The following CTRC variants were observed in gnomAD, a reference collection of about 807,000 sequenced individuals.
CTRC encodes the protein chymotrypsin C, also known as chymotrypsin-C.
Under a neutral mutation model 35.7 loss-of-function variants are expected in CTRC, and 32 were observed. The observed-to-expected ratio is 0.90, with a 90% CI of 0.68 to 1.20. The LOEUF (loss-of-function observed/expected upper bound fraction) is 1.20, where lower values mean the gene tolerates loss of function less well. Ranked by LOEUF, CTRC falls within the 50% of genes most tolerant of loss-of-function variation. The probability of loss-of-function intolerance (pLI) is 0.00; values close to 1 mark genes in which losing one functional copy is unlikely to be tolerated. For missense variants in CTRC, 324 were observed against 361.5 expected (o/e 0.90, Z 0.84); for synonymous variants, 119 against 149.5 (o/e 0.80, Z 1.49).
intron 1 of CTRC, 66 bp from the exon 2 acceptor site, chr1:15,440,234 T>TTCCCCCTGGCCC: frequency 3.2e-6 from 1 of 309,300 alleles, no homozygotes; most frequent in Non-Finnish European, 6.7e-6. Context: ...CTGCCCACCC[T>TTCCCCCTGGCCC]CCCACCCCTT....
In CTRC at chr1:15,446,605, G is replaced by A. The variant is rs769997070; in HGVS notation, c.*16G>A. The A allele has an allele frequency of 4.4e-5, 71 of 1,614,002 alleles. No homozygotes were observed. Among genetic ancestry groups the A allele is most frequent in the Admixed American group, 1.5e-4 (9 of 60,002 alleles). On this transcript the variant is annotated 3_prime_UTR_variant, in exon 8 of 8. Transcript: ENST00000375949. ...GCAGCTGTGATTTGTTGCTGGGAGC[G>A]GCGGCAGCGAGTCCCTGCAACAGCA...
intron 6 of CTRC, 63 bp downstream of exon 6, chr1:15,444,814 G>T: frequency 1.2e-6 from 2 of 1,604,472 alleles, no homozygotes. Flanking sequence ...TGGGCAAAGG[G>T]GGGTGCGATG....
intron 2 of CTRC, 39 bp downstream of exon 2, chr1:15,440,430 G>A (rs1012984310): frequency 1.9e-6 from 3 of 1,612,102 alleles, no homozygotes; most frequent in African/African-American, 1.3e-5. Flanking sequence ...GATAGAGAGG[G>A]TGGCGGGGTG....
In CTRC at chr1:15,449,239, G is replaced by C. The variant is rs1708260525; in HGVS notation, c.*2650G>C. The C allele has an allele frequency of 1.3e-5, 2 of 152,220 alleles. No individual in the cohort carries two copies. The allele number at this position is 152,220 out of a possible 1,614,324, so 9.4% of individuals were successfully genotyped here. ...AAAATAAATAAATAAAAACTTCCCT[G>C]ATGAGAAAGATCTGACATAGCTGGT... On this transcript the variant is annotated 3_prime_UTR_variant, in exon 8 of 8. Coordinates refer to ENST00000375949, the MANE Select transcript of CTRC (RefSeq NM_007272.3).
chr1:15,448,323 C>T lies in CTRC; in HGVS notation c.*1734C>T, dbSNP rs1002394688. On this transcript the variant is annotated 3_prime_UTR_variant, in exon 8 of 8. Coordinates refer to ENST00000375949, the MANE Select transcript of CTRC (RefSeq NM_007272.3). ...AAGTAGCTGGGATTACAGGCACGCA[C>T]CACCATGCACAGCTAATTTTTTTTT... 1.3e-5 allele frequency: 2 copies of T among 151,732 alleles called. No homozygotes were observed. Among genetic ancestry groups the T allele is most frequent in the Non-Finnish European group, 2.9e-5 (2 of 67,972 alleles). The allele number at this position is 151,732 out of a possible 1,614,324, so 9.4% of individuals were successfully genotyped here.
At chr1:15,445,466 G>T in intron 6 of CTRC, 131 bp from the exon 7 acceptor site, 1 of 917,208 alleles carries the variant, frequency 1.1e-6, no homozygotes, top group Non-Finnish European at 1.7e-6. Context: ...CCATGGGCAG[G>T]CTGAGGCCAA....
Position 15,439,722 on chromosome 1 carries a change from A to G in CTRC, c.41-578A>G, listed in dbSNP as rs115763533. ...ACAGGTGTACCGGGCACTCGCACAC[A>G]TGCCAGCCAGTTTTGTTTTGTTTTG... On this transcript the variant is annotated intron_variant, in intron 1 of 7. Coordinates refer to ENST00000375949, the MANE Select transcript of CTRC (RefSeq NM_007272.3). Among the ~76,000 whole-genome samples, 1,190 of 152,286 alleles carry G rather than the reference A, an allele frequency of 7.8e-3. 13 individuals carry two copies. The highest frequency in any genetic ancestry group is 0.027 in the African/African-American group (1,122 of 41,562).
rs746688766 is a variant in CTRC, at chr1:15,448,339, AT to A, written c.*1768del. ...AGGCACGCACCACCATGCACAGCTAATTTTTTTTTTTTTTTTTTAGACAGAG... is the reference window on the plus strand; with the variant it reads ...AGGCACGCACCACCATGCACAGCTAATTTTTTTTTTTTTTTTTAGACAGAG... On this transcript the variant is annotated 3_prime_UTR_variant, in exon 8 of 8. Coordinates refer to ENST00000375949, the MANE Select transcript of CTRC (RefSeq NM_007272.3). 517 of 133,132 alleles carry A rather than the reference AT, an allele frequency of 3.9e-3. 1 individual carries two copies. Among genetic ancestry groups the A allele is most frequent in the African/African-American group, 5.4e-3 (196 of 36,078 alleles). 8.2% of individuals were successfully genotyped at this position (133,132 alleles called of 1,614,324 possible).
In CTRC at chr1:15,440,411, G is replaced by A. The variant is rs1300766611; in HGVS notation, c.132+20G>A. ...TGGCAGGTAAGCCTGTGTAGGGCTG[G>A]GAGGTACAGATAGAGAGGGTGGCGG... On this transcript the variant is annotated intron_variant, in intron 2 of 7. Coordinates refer to ENST00000375949, the MANE Select transcript of CTRC (RefSeq NM_007272.3). 1.9e-6 allele frequency: 3 copies of A among 1,612,510 alleles called. No homozygotes were observed. The highest frequency in any genetic ancestry group is 2.5e-6 in the Non-Finnish European group (3 of 1,179,318).
intron 3 of CTRC, among the ~76,000 whole-genome samples, chr1:15,441,801 G>C (rs1395021618): frequency 6.6e-6 from 1 of 151,448 alleles, no homozygotes; most frequent in African/African-American, 2.4e-5. Context: ...AGCCTCCCGA[G>C]TAGCTGGGTC....
chr1:15,438,620 C>T, intron 1 of CTRC, 116 bp downstream of exon 1: 1 of 1,187,566 alleles, frequency 8.4e-7, no homozygotes, highest in Non-Finnish European at 1.2e-6. Flanking sequence ...ACTTTGGGGT[C>T]CCCTGTGGGT....
chr1:15,443,477 G>A lies in CTRC; in HGVS notation c.415G>A (p.Val139Met). 6.2e-7 allele frequency: 1 copy of A among 1,614,210 alleles called. No individual in the cohort carries two copies. Among genetic ancestry groups the A allele is most frequent in the Non-Finnish European group, 8.5e-7 (1 of 1,180,038 alleles). Residue 139 changes from valine (V) to methionine (M), a missense_variant, in exon 5 of 8, where the codon GTG (valine) becomes ATG (methionine). Physicochemically the swap from Val to Met is conservative, Grantham distance 21. Transcript: ENST00000375949. ...EHVELSDTIQVACLPEKDSLL... is the reference protein window; with the variant it reads ...EHVELSDTIQMACLPEKDSLL... ...TGTGGAGCTGAGTGACACCATCCAG[G>A]TGGCCTGCCTGCCAGAGAAGGACTC...
Position 15,446,892 on chromosome 1 carries a change from G to T in CTRC, c.*303G>T. On this transcript the variant is annotated 3_prime_UTR_variant, in exon 8 of 8. Coordinates refer to ENST00000375949, the MANE Select transcript of CTRC (RefSeq NM_007272.3). ...GTCCTGCGTGAAGCCGGAGGGGATGGGAGTGAAGGACGCATCAGACACCTT... is the reference window on the plus strand; with the variant it reads ...GTCCTGCGTGAAGCCGGAGGGGATGTGAGTGAAGGACGCATCAGACACCTT... 1.9e-6 allele frequency: 1 copy of T among 528,210 alleles called. No homozygotes were observed. Among genetic ancestry groups the T allele is most frequent in the Non-Finnish European group, 3.4e-6 (1 of 292,080 alleles). 32.7% of individuals were successfully genotyped at this position (528,210 alleles called of 1,614,324 possible).
chr1:15,445,515 C>T lies in CTRC; in HGVS notation c.640-82C>T, dbSNP rs370563657. 1,186 of 1,475,332 alleles carry T rather than the reference C, an allele frequency of 8.0e-4. 7 individuals carry two copies. In the African/African-American group the frequency reaches 8.5e-3, roughly 11 times the overall value. 91.4% of individuals were successfully genotyped at this position (1,475,332 alleles called of 1,614,324 possible). ...CTAAGGCTGAGAAGCCAACCCACAT[C>T]CCCCACCCCAACCCAGTCCTGCTTC... On this transcript the variant is annotated intron_variant, in intron 6 of 7. Transcript: ENST00000375949.
At chr1:15,443,205 A>G (rs1178234766) in intron 4 of CTRC, among the ~76,000 whole-genome samples, 3 of 152,176 alleles carry the variant, frequency 2.0e-5, no homozygotes, top group Non-Finnish European at 4.4e-5. Context: ...ACATGTGAGA[A>G]GAAGCTATGT....
intron 6 of CTRC, among the ~76,000 whole-genome samples, chr1:15,445,259 G>A (rs1708199478): frequency 6.6e-6 from 1 of 152,096 alleles, no homozygotes. Context: ...CTCTAGCACA[G>A]CTGCCTGCAT....
Position 15,446,749 on chromosome 1 carries a change from C to A in CTRC, c.*160C>A, listed in dbSNP as rs1708228374. 2 of 823,644 alleles carry A rather than the reference C, an allele frequency of 2.4e-6. No homozygotes were observed. Among genetic ancestry groups the A allele is most frequent in the Non-Finnish European group, 4.1e-6 (2 of 487,290 alleles). The allele number at this position is 823,644 out of a possible 1,614,324, so 51.0% of individuals were successfully genotyped here. On this transcript the variant is annotated 3_prime_UTR_variant, in exon 8 of 8. Transcript: ENST00000375949. ...GAGCCAAAGAGAGACCCCACTCAGC[C>A]AGTTTCCCCCACCCTGCATTAGACA... is the stretch of plus-strand genomic sequence containing the variant.
At chr1:15,444,509 T>G in intron 5 of CTRC, 97 bp from the exon 6 acceptor site, 1 of 1,500,666 alleles carries the variant, frequency 6.7e-7, no homozygotes, top group Non-Finnish European at 9.2e-7. Context: ...GGCGCTCCCC[T>G]GGGTCCTGTC....
intron 3 of CTRC, 126 bp downstream of exon 3, chr1:15,440,716 C>T: frequency 1.2e-6 from 1 of 808,592 alleles, no homozygotes; most frequent in East Asian, 2.7e-5. Context: ...CACCCAGTAA[C>T]TCAGTTGTGC....
Sources: gnomAD v4.1 joint callset for allele counts (sites outside exome capture counted in the v4.1 genomes callset) on GRCh38, gnomAD v4.1.1 for gene constraint, MANE v1.5 for transcripts, NCBI Gene and HGNC (gene_info 2026-07-23, HGNC 2026-07-21) for gene names.